Variants in PFKM observed in about 807,000 individuals in gnomAD.
The protein encoded by PFKM is ATP-dependent 6-phosphofructokinase, muscle type.
Under a neutral mutation model 95.5 loss-of-function variants are expected in PFKM, and 58 were observed. The ratio of observed to expected loss-of-function variants is 0.61; its 90% confidence interval spans 0.49 to 0.76. The LOEUF is 0.76. PFKM is among the 30% of genes least tolerant of loss of function. PFKM has a pLI of 0.00. For missense variants in PFKM, 678 were observed against 1,005.4 expected (o/e 0.67, Z 4.40); for synonymous variants, 336 against 357.2 (o/e 0.94, Z 0.67).
chr12:48,129,214 T>C (rs367811570), intron 2 of PFKM, among the ~76,000 whole-genome samples: 4 of 59,440 alleles, frequency 6.7e-5, no homozygotes, highest in African/African-American at 1.9e-4. Flanking sequence ...TTCTTTCTTT[T>C]TTTTTTTTTT....
At chr12:48,106,421 C>T (rs1946618146) in intron 1 of PFKM, 1 of 443,422 alleles carries the variant, frequency 2.3e-6, no homozygotes, top group Non-Finnish European at 4.0e-6. Context: ...GTTTCCATGG[C>T]AGCTTTTCGC....
intron 14 of PFKM, 106 bp from the exon 15 acceptor site, chr12:48,141,205 C>A: frequency 9.2e-7 from 1 of 1,088,748 alleles, no homozygotes; most frequent in Non-Finnish European, 1.4e-6. Context: ...CTTTTCCAAC[C>A]AAGGGGGATC....
chr12:48,129,809 A>G (rs1360947882), intron 2 of PFKM, among the ~76,000 whole-genome samples: 1 of 152,240 alleles, frequency 6.6e-6, no homozygotes, highest in Non-Finnish European at 1.5e-5. Flanking sequence ...AAAGCAAGGA[A>G]AAACCTAGTA....
At position 48,108,255 on chromosome 12, in the gene PFKM, A is replaced by G. The variant is rs910137038; in HGVS notation, c.205+61A>G. ...AGGAATATGGGAAAGTGAAAGTTGT[A>G]TGCATAGTATTATAAATCAGCGTAG... On this transcript the variant is annotated intron_variant, in intron 3 of 24. Transcript: ENST00000340802. 5 of 1,513,804 alleles carry G rather than the reference A, an allele frequency of 3.3e-6. No homozygotes were observed. The South Asian group carries it at 6.0e-5, about 18-fold the overall frequency. The allele number at this position is 1,513,804 out of a possible 1,614,324, so 93.8% of individuals were successfully genotyped here. A position where few individuals can be genotyped will look rare whatever the true frequency, so the allele number is the denominator to read the frequency against.
chr12:48,130,990 T>G (rs1332522641), intron 3 of PFKM, among the ~76,000 whole-genome samples: 1 of 152,210 alleles, frequency 6.6e-6, no homozygotes, highest in African/African-American at 2.4e-5. Flanking sequence ...TCTCCATGGT[T>G]ATCAAGACCA....
At chr12:48,135,226 C>T in intron 9 of PFKM, 65 bp from the exon 10 acceptor site, 1 of 1,399,104 alleles carries the variant, frequency 7.1e-7, no homozygotes, top group Non-Finnish European at 1.0e-6. Flanking sequence ...TTACCCAAGT[C>T]TCTGCTTGTT....
intron 1 of PFKM, among the ~76,000 whole-genome samples, chr12:48,122,152 A>C (rs949284220): frequency 6.6e-6 from 1 of 152,288 alleles, no homozygotes; most frequent in African/African-American, 2.4e-5. Flanking sequence ...AGCCATAGAA[A>C]GCCCCTGACC....
At chr12:48,142,148 C>T (rs1254295975) in intron 17 of PFKM, 82 bp downstream of exon 17, 7 of 1,290,702 alleles carry the variant, frequency 5.4e-6, no homozygotes, top group Non-Finnish European at 7.9e-6. Context: ...CAGTGAGCTA[C>T]TCTTTATATC....
At chr12:48,131,185 C>T (rs1237455303) in intron 3 of PFKM, 131 bp from the exon 4 acceptor site, 17 of 728,960 alleles carry the variant, frequency 2.3e-5, no homozygotes, top group Non-Finnish European at 3.3e-5. Context: ...GATAGTCTCA[C>T]GAGCATCCAG....
At chr12:48,118,681 C>A, upstream of PFKM, 1 of 699,658 alleles carries the variant, frequency 1.4e-6, no homozygotes, top group Non-Finnish European at 2.5e-6. Flanking sequence ...GTTTGCTTCA[C>A]TGCCAGAATC....
At chr12:48,106,361 A>AC (rs1435003335) in intron 1 of PFKM, 4 of 471,264 alleles carry the variant, frequency 8.5e-6, no homozygotes, top group Non-Finnish European at 1.5e-5. Flanking sequence ...CTGCTCCCTT[A>AC]CCCGCCGCCT....
intron 2 of PFKM, chr12:48,107,505 A>C: frequency 1.7e-6 from 2 of 1,209,492 alleles, no homozygotes; most frequent in Non-Finnish European, 2.4e-6. Context: ...GGGTTCTCTC[A>C]CAAGAAGTCT....
At chr12:48,114,160 C>T (rs917078104) in intron 3 of PFKM, among the ~76,000 whole-genome samples, 1 of 152,078 alleles carries the variant, frequency 6.6e-6, no homozygotes, top group Admixed American at 6.6e-5. Flanking sequence ...TATCAGCATG[C>T]GATTGGGCTA....
At chr12:48,106,228 G>A (rs1039673183) in intron 1 of PFKM, 2 of 649,346 alleles carry the variant, frequency 3.1e-6, no homozygotes, top group Admixed American at 2.4e-5. Context: ...GGCCCGAGAA[G>A]CGAAGGGAGC....
intron 1 of PFKM, chr12:48,106,305 G>C (rs1946593034): frequency 1.7e-6 from 1 of 591,188 alleles, no homozygotes; most frequent in South Asian, 2.0e-5. Context: ...CTCGTACTCG[G>C]AATACTGTTA....
At chr12:48,132,611 TC>T (rs1309460330) in intron 4 of PFKM, among the ~76,000 whole-genome samples, 1 of 152,222 alleles carries the variant, frequency 6.6e-6, no homozygotes, top group Non-Finnish European at 1.5e-5. Flanking sequence ...TTTAGGATAG[TC>T]ATGGATGACA....
intron 3 of PFKM, among the ~76,000 whole-genome samples, chr12:48,109,996 G>A (rs1947041249): frequency 6.6e-6 from 1 of 152,172 alleles, no homozygotes; most frequent in African/African-American, 2.4e-5. Context: ...ATAGTCTTGT[G>A]GGACTAAGAC....
chr12:48,145,168 G>T lies in PFKM; in HGVS notation c.2092+38G>T. 6.2e-7 allele frequency: 1 copy of T among 1,609,860 alleles called. No homozygotes were observed. The highest frequency in any genetic ancestry group is 8.5e-7 in the Non-Finnish European group (1 of 1,176,102). ...AGAGCGAGTGCCCTCTATAGAGGCT[G>T]GTTCCCCAGTATAGAAGCTGACTGC... On this transcript the variant is annotated intron_variant, in intron 21 of 22. Coordinates refer to ENST00000359794, the MANE Select transcript of PFKM (RefSeq NM_000289.6). This position sits in a 1 kb window ranked among gnomAD's most constrained non-coding sequence, Gnocchi z 4.3.
intron 9 of PFKM, 24 bp downstream of exon 9, chr12:48,135,062 G>A (rs1191864878): frequency 1.9e-6 from 3 of 1,551,348 alleles, no homozygotes; most frequent in Non-Finnish European, 2.7e-6. Flanking sequence ...AAGCCAGAGA[G>A]GCCTTAGAAT....
Sources: gnomAD v4.1 joint callset for allele counts (sites outside exome capture counted in the v4.1 genomes callset) on GRCh38, gnomAD v4.1.1 for gene constraint, Gnocchi (gnomAD v3.1) non-coding constraint, MANE v1.5 for transcripts, NCBI Gene and HGNC (gene_info 2026-07-23, HGNC 2026-07-21) for gene names.